EVC: variants seen among roughly 807,000 people sequenced by gnomAD.
EVC encodes the protein evC complex member EVC.
A neutral mutation model predicts 118.9 loss-of-function variants in EVC; 116 were observed. The observed-to-expected ratio is 0.98, with a 90% CI of 0.84 to 1.14. The LOEUF is 1.14. EVC is among the 50% of genes most tolerant of loss of function. EVC has a pLI of 0.00. For missense variants in EVC, 1,401 were observed against 1,246.4 expected (o/e 1.12, Z -1.87); for synonymous variants, 619 against 534.7 (o/e 1.16, Z -2.18).
In EVC at chr4:5,724,355, G is replaced by A. The variant is rs550261647; in HGVS notation, c.301-4952G>A. Among the ~76,000 whole-genome samples the A allele has an allele frequency of 2.8e-4, 43 of 152,328 alleles. No individual in the cohort carries two copies. In the South Asian group the frequency reaches 4.4e-3, roughly 15 times the overall value. The stretch of plus-strand genomic sequence containing the variant: ...ATGTGGGGACTTGGGATGTGGGAGT[G>A]CGCGATGCCTCAGTATCTGATATAG... On this transcript the variant is annotated intron_variant, in intron 2 of 20. Coordinates refer to ENST00000264956, the MANE Select transcript of EVC (RefSeq NM_153717.3).
chr4:5,815,658 G>T (rs908321064), downstream of EVC, among the ~76,000 whole-genome samples: 7 of 152,214 alleles, frequency 4.6e-5, no homozygotes, highest in Admixed American at 1.3e-4. Context: ...CCCCCAGAGA[G>T]TGGAAGCCCC....
At position 5,797,118 on chromosome 4, in the gene EVC, G is replaced by T. The variant is rs201123831; in HGVS notation, c.1983G>T (p.Gln661His). 1 of 1,613,628 alleles carries T rather than the reference G, an allele frequency of 6.2e-7. No individual in the cohort carries two copies. The highest frequency in any genetic ancestry group is 1.7e-5 in the Admixed American group (1 of 60,034). The change falls in exon 14 of 21, where the codon CAG becomes CAT. Residue 661 changes from glutamine (Q) to histidine (H), a missense_variant. Transcript: ENST00000264956. ...GCAACGCCCTGGCCACCCTGACGCA[G>T]ATGCGGCTATCGGGGAAGAAGCACC... Reference protein sequence around the residue: ...LRGNALATLTQMRLSGKKHLL... With the variant: ...LRGNALATLTHMRLSGKKHLL...
chr4:5,821,921 A>G, the EVC span: 5 of 1,229,058 alleles, frequency 4.1e-6, no homozygotes, highest in East Asian at 9.7e-5. This position sits in a 1 kb window ranked among gnomAD's most constrained non-coding sequence, Gnocchi z 4.4. Context: ...CCTGGAGGCC[A>G]TGTACTCTGC....
intron 1 of EVC, among the ~76,000 whole-genome samples, chr4:5,717,013 C>T (rs895688561): frequency 4.7e-5 from 7 of 150,022 alleles, no homozygotes; most frequent in African/African-American, 1.7e-4. Context: ...GCATTTGGAA[C>T]GTCCTTTTGA....
chr4:5,793,845 A>C (rs1385243048), intron 13 of EVC, 128 bp downstream of exon 13: 18 of 745,096 alleles, frequency 2.4e-5, no homozygotes, highest in Non-Finnish European at 4.3e-5. Context: ...AAATGACTTA[A>C]CGTTTCTTAG....
At chr4:5,802,592 C>T (rs978974413) in intron 16 of EVC, among the ~76,000 whole-genome samples, 5 of 152,170 alleles carry the variant, frequency 3.3e-5, no homozygotes, top group African/African-American at 7.2e-5. Context: ...AGCTTGTTTA[C>T]CTGCAGCTAG....
At chr4:5,779,034 G>C (rs1007999031) in intron 11 of EVC, among the ~76,000 whole-genome samples, 16 of 152,152 alleles carry the variant, frequency 1.1e-4, no homozygotes, top group South Asian at 6.2e-4. Context: ...GTAAGGAAGG[G>C]ATCCAGTTTC....
chr4:5,821,352 G>GCACT, the EVC span: 1 of 178,994 alleles, frequency 5.6e-6, no homozygotes, highest in African/African-American at 2.3e-5. This position sits in a 1 kb window ranked among gnomAD's most constrained non-coding sequence, Gnocchi z 4.4. Context: ...CCCCTCAGAC[G>GCACT]CACTCACAGA....
chr4:5,814,647 C>G (rs572300663), downstream of EVC, among the ~76,000 whole-genome samples: 24 of 152,260 alleles, frequency 1.6e-4, no homozygotes, highest in African/African-American at 5.8e-4. Context: ...TAGCAGATGC[C>G]CTTCCCCTTC....
chr4:5,741,907 A>T (rs58903969), intron 6 of EVC, 93 bp downstream of exon 6: 1 of 634,162 alleles, frequency 1.6e-6, no homozygotes. Flanking sequence ...TTTCATGTAT[A>T]AAATAGCTTA....
rs138251175 is a variant in EVC at position 5,805,533 on chromosome 4, G to A, written c.2561+692G>A. Among the ~76,000 whole-genome samples the A allele has an allele frequency of 3.0e-4, 45 of 152,340 alleles. No homozygotes were observed. In the East Asian group the frequency reaches 8.3e-3, roughly 28 times the overall value. ...CAAACTACAGTCTGGCAAGTCCTCA[G>A]ATGTGGGGCGCAGAAGCATCACTCG... On this transcript the variant is annotated intron_variant, in intron 17 of 20. Transcript: ENST00000264956.
At chr4:5,760,496 G>A (rs181035447) in intron 11 of EVC, among the ~76,000 whole-genome samples, 9 of 152,170 alleles carry the variant, frequency 5.9e-5, no homozygotes, top group Non-Finnish European at 1.2e-4. Context: ...AGAAGGTGTC[G>A]AGGGACACAG....
At chr4:5,824,990 T>G in the EVC span, 1 of 985,434 alleles carries the variant, frequency 1.0e-6, no homozygotes, top group Non-Finnish European at 1.2e-6. Flanking sequence ...TTCTTGGGGC[T>G]TCCGTTTCCT....
At chr4:5,729,062 G>C (rs1393891020) in intron 2 of EVC, among the ~76,000 whole-genome samples, 1 of 151,704 alleles carries the variant, frequency 6.6e-6, no homozygotes, top group Non-Finnish European at 1.5e-5. Flanking sequence ...CCATCCACCT[G>C]TCTATCCATC....
Position 5,746,435 on chromosome 4 carries a change from C to T in EVC, c.939+1094C>T, listed in dbSNP as rs980546563. On this transcript the variant is annotated intron_variant, in intron 7 of 20. Coordinates refer to ENST00000264956, the MANE Select transcript of EVC (RefSeq NM_153717.3). The surrounding 1 kb of genome is among the most constrained non-coding windows in gnomAD (Gnocchi z 5.8). ...CCAGGGTCAGTGCTGCTGAAATAAGCGCCCCAGAGCAAGATGCTCATGGGA... is the reference window on the plus strand; with the variant it reads ...CCAGGGTCAGTGCTGCTGAAATAAGTGCCCCAGAGCAAGATGCTCATGGGA... Among the ~76,000 whole-genome samples the T allele has an allele frequency of 3.9e-5, 6 of 152,152 alleles. No individual in the cohort carries two copies. The South Asian group carries it at 6.2e-4, about 16-fold the overall frequency.
chr4:5,751,626 C>T (rs959429473), intron 8 of EVC, among the ~76,000 whole-genome samples: 1 of 152,204 alleles, frequency 6.6e-6, no homozygotes, highest in Non-Finnish European at 1.5e-5. Flanking sequence ...GTCAAGGGGA[C>T]GTGGGCGACT....
At chr4:5,797,626 T>A (rs1714227954) in intron 14 of EVC, among the ~76,000 whole-genome samples, 1 of 152,164 alleles carries the variant, frequency 6.6e-6, no homozygotes, top group Non-Finnish European at 1.5e-5. Flanking sequence ...CTTAATCACC[T>A]CCTCAAAGGC....
Position 5,742,654 on chromosome 4 carries a change from A to T in EVC, c.801+840A>T, listed in dbSNP as rs1355545363. Among the ~76,000 whole-genome samples, 2 of 152,088 alleles carry T rather than the reference A, an allele frequency of 1.3e-5. No individual in the cohort carries two copies. Among genetic ancestry groups the T allele is most frequent in the Non-Finnish European group, 2.9e-5 (2 of 68,028 alleles). Reference sequence around the variant, plus strand: ...TCCTCATGTCCTCATTACCATCATCATGAGCATCATTTTTATCATTGTTGT... The same window carrying T: ...TCCTCATGTCCTCATTACCATCATCTTGAGCATCATTTTTATCATTGTTGT... On this transcript the variant is annotated intron_variant, in intron 6 of 20. Coordinates refer to ENST00000264956, the MANE Select transcript of EVC (RefSeq NM_153717.3). This position sits in a 1 kb window ranked among gnomAD's most constrained non-coding sequence, Gnocchi z 5.2.
intron 5 of EVC, among the ~76,000 whole-genome samples, chr4:5,733,750 T>C (rs1727229762): frequency 6.6e-6 from 1 of 152,286 alleles, no homozygotes; most frequent in African/African-American, 2.4e-5. Flanking sequence ...ACAATATGTT[T>C]AAAGGAATGA....
Sources: allele counts gnomAD v4.1 joint callset (sites outside exome capture counted in the v4.1 genomes callset), GRCh38; gene constraint gnomAD v4.1.1; non-coding constraint Gnocchi (gnomAD v3.1); transcripts MANE v1.5; gene names NCBI Gene and HGNC (gene_info 2026-07-23, HGNC 2026-07-21).